Variants in PRMT8 observed in about 807,000 individuals in gnomAD.
PRMT8 encodes the protein protein arginine N-methyltransferase 8.
Under a neutral mutation model 47.1 loss-of-function variants are expected in PRMT8, and 7 were observed. That is an observed-to-expected ratio of 0.15 (90% CI 0.08 to 0.28). The LOEUF (loss-of-function observed/expected upper bound fraction) is 0.28. PRMT8 is among the 10% of genes least tolerant of loss of function. PRMT8 has a pLI of 1.00. For synonymous variants in PRMT8, 188 were observed against 186.5 expected (o/e 1.01, Z -0.07); for missense variants, 237 against 505.4 (o/e 0.47, Z 5.09).
At chr12:3,433,719 C>T (rs1427331892) in intron 1 of PRMT8, among the ~76,000 whole-genome samples, 1 of 152,148 alleles carries the variant, frequency 6.6e-6, no homozygotes, top group East Asian at 1.9e-4. Context: ...TCAAGCAATT[C>T]TCCTGCCTCA....
At chr12:3,582,957 A>T in intron 7 of PRMT8, 101 bp from the exon 8 acceptor site, 1 of 1,378,914 alleles carries the variant, frequency 7.3e-7, no homozygotes, top group Non-Finnish European at 9.9e-7. Flanking sequence ...TCCCTCAGAG[A>T]GCTGACAGAC....
intron 1 of PRMT8, among the ~76,000 whole-genome samples, chr12:3,413,978 T>C (rs928909255): frequency 5.3e-5 from 8 of 152,112 alleles, no homozygotes; most frequent in Non-Finnish European, 1.0e-4. Flanking sequence ...AAATCCCCCA[T>C]AGATACAGAG....
Position 3,542,586 on chromosome 12 carries a change from G to C in PRMT8, c.261+1795G>C, listed in dbSNP as rs192012542. ...TTCAGGACAGATTCTTGGGAAAAGA[G>C]AGCAGTTCCAGGGACCCCAAAATGT... On this transcript the variant is annotated intron_variant, in intron 2 of 9. Coordinates refer to ENST00000382622, the MANE Select transcript of PRMT8 (RefSeq NM_019854.5). 5.3e-5 allele frequency among the ~76,000 whole-genome samples: 8 copies of C among 152,312 alleles called. No homozygotes were observed. In the East Asian group the frequency reaches 1.5e-3, roughly 29 times the overall value.
chr12:3,496,939 G>A (rs994379533), intron 1 of PRMT8, among the ~76,000 whole-genome samples: 10 of 145,060 alleles, frequency 6.9e-5, no homozygotes, highest in African/African-American at 2.1e-4. Flanking sequence ...TTTTTGCCTG[G>A]CTAATTTGGC....
At chr12:3,462,148 G>GT (rs1417616945) in intron 1 of PRMT8, among the ~76,000 whole-genome samples, 1 of 151,896 alleles carries the variant, frequency 6.6e-6, no homozygotes, top group African/African-American at 2.4e-5. Context: ...GCGGTATTTG[G>GT]TTTTCTGTTC....
intron 1 of PRMT8, among the ~76,000 whole-genome samples, chr12:3,421,630 T>A (rs1283924031): frequency 6.6e-6 from 1 of 152,236 alleles, no homozygotes; most frequent in East Asian, 1.9e-4. Context: ...AAGAGCCTGA[T>A]ATGTGTCCCT....
At chr12:3,425,801 A>G (rs1402455379) in intron 1 of PRMT8, among the ~76,000 whole-genome samples, 1 of 152,232 alleles carries the variant, frequency 6.6e-6, no homozygotes, top group East Asian at 1.9e-4. Flanking sequence ...GGGATAGCCA[A>G]TTGGACTAAA....
chr12:3,414,151 T>G (rs143352916), intron 1 of PRMT8, among the ~76,000 whole-genome samples: 1 of 152,212 alleles, frequency 6.6e-6, no homozygotes, highest in Admixed American at 6.5e-5. Flanking sequence ...ATTTTAAAAA[T>G]GCTAATTTTG....
chr12:3,464,969 G>A (rs113428596), intron 1 of PRMT8, among the ~76,000 whole-genome samples: 1,893 of 151,484 alleles, frequency 0.012, 44 homozygotes, highest in African/African-American at 0.043. Flanking sequence ...TACTAAAAAT[G>A]CAAAATTAGC....
In PRMT8 at chr12:3,566,913, A is replaced by C. The variant is rs1258079448; in HGVS notation, c.482-1793A>C. 6.6e-6 allele frequency among the ~76,000 whole-genome samples: 1 copy of C among 152,256 alleles called. No homozygotes were observed. The highest frequency in any genetic ancestry group is 1.5e-5 in the Non-Finnish European group (1 of 68,048). Reference sequence around the variant, plus strand: ...ACCAATACATCAGCCTGCCAATTTAACAGTGGTATCTAAACTAGCTTGCTC... The same window carrying C: ...ACCAATACATCAGCCTGCCAATTTACCAGTGGTATCTAAACTAGCTTGCTC... On this transcript the variant is annotated intron_variant, in intron 4 of 9. Transcript: ENST00000382622. This position sits in a 1 kb window ranked among gnomAD's most constrained non-coding sequence, Gnocchi z 4.7.
upstream of PRMT8, among the ~76,000 whole-genome samples, chr12:3,490,527 C>T (rs1865369171): frequency 7.9e-6 from 1 of 126,594 alleles, no homozygotes; most frequent in African/African-American, 3.1e-5. Flanking sequence ...GGGCAGGGGG[C>T]TGCCAGGGAA....
intron 1 of PRMT8, among the ~76,000 whole-genome samples, chr12:3,481,575 C>A (rs540951560): frequency 6.6e-6 from 1 of 152,286 alleles, no homozygotes; most frequent in South Asian, 2.1e-4. Flanking sequence ...TAGCCCTCGA[C>A]CACCTCATGA....
At chr12:3,568,509 T>C (rs1866775195) in intron 4 of PRMT8, among the ~76,000 whole-genome samples, 197 bp from the exon 5 acceptor site, 1 of 152,198 alleles carries the variant, frequency 6.6e-6, no homozygotes, top group Admixed American at 6.5e-5. Context: ...ATGGCTCAAT[T>C]TATTTTACAG....
chr12:3,408,461 T>G (rs903133682), intron 1 of PRMT8, among the ~76,000 whole-genome samples: 3 of 152,184 alleles, frequency 2.0e-5, no homozygotes, highest in Admixed American at 6.5e-5. Context: ...GGTCTTAAAC[T>G]CATGGACTCA....
upstream of PRMT8, chr12:3,491,202 T>A: frequency 1.0e-6 from 1 of 995,322 alleles, no homozygotes; most frequent in Non-Finnish European, 1.2e-6. Context: ...GGAAGCGTGT[T>A]GCTTCGCCCA....
chr12:3,550,826 G>A lies in PRMT8; in HGVS notation c.417+735G>A, dbSNP rs1293370726. On this transcript the variant is annotated intron_variant, in intron 3 of 9. Coordinates refer to ENST00000382622, the MANE Select transcript of PRMT8 (RefSeq NM_019854.5). This position sits in a 1 kb window ranked among gnomAD's most constrained non-coding sequence, Gnocchi z 5.1. ...TGCCCAGCCTGATGACAGAGGGCCTGGGAAGGTCCAGAGCTGGAAAGAAAC... is the reference window on the plus strand; with the variant it reads ...TGCCCAGCCTGATGACAGAGGGCCTAGGAAGGTCCAGAGCTGGAAAGAAAC... 1 of 152,226 alleles carries A rather than the reference G, an allele frequency of 6.6e-6. No individual in the cohort carries two copies. The highest frequency in any genetic ancestry group is 2.4e-5 in the African/African-American group (1 of 41,436). The allele number at this position is 152,226 out of a possible 1,614,324, so 9.4% of individuals were successfully genotyped here. A position where few individuals can be genotyped will look rare whatever the true frequency, so the allele number is the denominator to read the frequency against.
At chr12:3,476,665 A>T (rs1865218382) in intron 1 of PRMT8, among the ~76,000 whole-genome samples, 1 of 152,196 alleles carries the variant, frequency 6.6e-6, no homozygotes, top group African/African-American at 2.4e-5. Flanking sequence ...AAGCTTTCTT[A>T]GGCAAAGTTC....
rs2335988 is a variant in PRMT8, at chr12:3,514,547, G to A, written c.75+22847G>A. On this transcript the variant is annotated intron_variant, in intron 1 of 9. Coordinates refer to ENST00000382622, the MANE Select transcript of PRMT8 (RefSeq NM_019854.5). The surrounding 1 kb of genome is among the most constrained non-coding windows in gnomAD (Gnocchi z 5.9). ...CAAGTGGAATGTAAATACATAACACGTGGAGCCTTTTTTCTGAGTGTGCCA... is the reference window on the plus strand; with the variant it reads ...CAAGTGGAATGTAAATACATAACACATGGAGCCTTTTTTCTGAGTGTGCCA... Among the ~76,000 whole-genome samples the A allele has an allele frequency of 0.1, 15,772 of 152,230 alleles. 1,029 individuals carry two copies. Among genetic ancestry groups the A allele is most frequent in the African/African-American group, 0.18 (7,635 of 41,504 alleles).
Position 3,580,752 on chromosome 12 carries a change from A to G in PRMT8, c.829-2306A>G, listed in dbSNP as rs968802020. Reference sequence around the variant, plus strand: ...GAGGGAACCAAGAAAGAAAGATACCAGGGACCTTGGAAAGAGCCTGGAGCC... The same window carrying G: ...GAGGGAACCAAGAAAGAAAGATACCGGGGACCTTGGAAAGAGCCTGGAGCC... On this transcript the variant is annotated intron_variant, in intron 7 of 9. Transcript: ENST00000382622. The surrounding 1 kb of genome is among the most constrained non-coding windows in gnomAD (Gnocchi z 4.6). Among the ~76,000 whole-genome samples the G allele has an allele frequency of 6.6e-6, 1 of 152,170 alleles. No individual in the cohort carries two copies. The highest frequency in any genetic ancestry group is 1.5e-5 in the Non-Finnish European group (1 of 68,026).
Sources: gnomAD v4.1 joint callset for allele counts (sites outside exome capture counted in the v4.1 genomes callset) on GRCh38, gnomAD v4.1.1 for gene constraint, Gnocchi (gnomAD v3.1) non-coding constraint, MANE v1.5 for transcripts, NCBI Gene and HGNC (gene_info 2026-07-23, HGNC 2026-07-21) for gene names.